The following CD160 variants were observed in gnomAD, a reference collection of about 807,000 sequenced individuals.
The protein encoded by CD160 is CD160 antigen.
In CD160, 11 loss-of-function variants were observed where a neutral mutation model predicts 19.2. That is an observed-to-expected ratio of 0.57 (90% CI 0.36 to 0.95). The LOEUF (loss-of-function observed/expected upper bound fraction) is 0.95. Ranked by LOEUF, CD160 falls within the 40% of genes least tolerant of loss-of-function variation. The probability of loss-of-function intolerance (pLI) is 0.01; values close to 1 mark genes in which losing one functional copy is unlikely to be tolerated. For missense variants in CD160, 182 were observed against 213.2 expected (o/e 0.85, Z 0.91); for synonymous variants, 75 against 81.1 (o/e 0.93, Z 0.40).
chr1:145,725,904 G>C (rs943307284), intron 2 of CD160, among the ~76,000 whole-genome samples: 1 of 151,908 alleles, frequency 6.6e-6, no homozygotes, highest in African/African-American at 2.4e-5. Context: ...TTGCATAACT[G>C]GAAAATCCAA....
chr1:145,720,376 G>A (rs1159317601), intron 1 of CD160, among the ~76,000 whole-genome samples: 1 of 152,152 alleles, frequency 6.6e-6, no homozygotes, highest in Non-Finnish European at 1.5e-5. Context: ...CACCAAAGAG[G>A]TCCATGGCGC....
In CD160 at chr1:145,736,175, T is replaced by C. The variant is rs1553710140; in HGVS notation, c.538+41T>C. ...CCGTAAGCACCCCAAGCAATGAGGG[T>C]GCTATTATATTTCTGCCACCTTGGT... On this transcript the variant is annotated intron_variant, in intron 5 of 5. Transcript: ENST00000369288. 5 of 1,613,592 alleles carry C rather than the reference T, an allele frequency of 3.1e-6. No homozygotes were observed. The South Asian group carries it at 5.5e-5, about 18-fold the overall frequency.
chr1:145,735,889 A>G, intron 4 of CD160, 108 bp from the exon 5 acceptor site: 1 of 779,202 alleles, frequency 1.3e-6, no homozygotes, highest in Admixed American at 2.4e-5. Flanking sequence ...CGAATTACAG[A>G]GGGAGGAATC....
At chr1:145,725,400 G>A (rs587685224) in intron 2 of CD160, among the ~76,000 whole-genome samples, 3 of 152,136 alleles carry the variant, frequency 2.0e-5, no homozygotes, top group Admixed American at 6.5e-5. Flanking sequence ...AGCCAAGATC[G>A]TGCCACTGCA....
chr1:145,734,524 C>T (rs782219616), intron 4 of CD160, among the ~76,000 whole-genome samples: 3 of 152,302 alleles, frequency 2.0e-5, no homozygotes, highest in African/African-American at 7.2e-5. Context: ...AGTTAAACTG[C>T]ACTAGTGGAT....
At chr1:145,728,501 CTTT>C (rs59357123) in intron 3 of CD160, 101 bp downstream of exon 3, 31,031 of 290,934 alleles carry the variant, frequency 0.11, 6 homozygotes, top group South Asian at 0.16. Flanking sequence ...ACAAAGGACT[CTTT>C]TTTTTTTTTT....
chr1:145,726,670 T>C (rs1385722172), intron 2 of CD160, among the ~76,000 whole-genome samples: 2 of 152,030 alleles, frequency 1.3e-5, no homozygotes, highest in Non-Finnish European at 2.9e-5. Context: ...ACATGAAACA[T>C]GTACAACTAT....
At chr1:145,728,481 T>G in intron 3 of CD160, 81 bp downstream of exon 3, 3 of 810,742 alleles carry the variant, frequency 3.7e-6, no homozygotes, top group Non-Finnish European at 6.2e-6. Flanking sequence ...TGATTTTCTC[T>G]AGTGGGGAAA....
intron 4 of CD160, among the ~76,000 whole-genome samples, chr1:145,735,106 C>CA (rs1436052156): frequency 1.3e-5 from 2 of 151,426 alleles, no homozygotes; most frequent in Admixed American, 1.3e-4. Context: ...GACTCTGTCT[C>CA]AAAAAAAGAA....
intron 5 of CD160, chr1:145,736,382 G>A (rs587627209): frequency 1.9e-6 from 2 of 1,044,684 alleles, no homozygotes; most frequent in African/African-American, 3.2e-5. Flanking sequence ...ATGAAGGCCT[G>A]TGAGAGAGGC....
At chr1:145,727,383 T>G (rs1243898331) in intron 2 of CD160, among the ~76,000 whole-genome samples, 1 of 152,132 alleles carries the variant, frequency 6.6e-6, no homozygotes, top group African/African-American at 2.4e-5. Flanking sequence ...TTTGTTTTTC[T>G]TCAGTTTGTT....
At chr1:145,734,884 A>C (rs1293656418) in intron 4 of CD160, among the ~76,000 whole-genome samples, 1 of 152,166 alleles carries the variant, frequency 6.6e-6, no homozygotes, top group Non-Finnish European at 1.5e-5. Flanking sequence ...AGGCTGGCAG[A>C]TCATTTGAGA....
At position 145,728,387 on chromosome 1, in the gene CD160, C is replaced by T. The variant is rs1211960242; in HGVS notation, c.60C>T (p.Asp20=). Residue 20 remains aspartate, a synonymous_variant, in exon 3 of 6, where the codon GAC becomes GAT. Coordinates refer to ENST00000369288, the MANE Select transcript of CD160 (RefSeq NM_007053.4). ...CALAILLAIV[D]IQSGGCINIT... ...TGGCCATCCTGCTGGCAATTGTGGA[C>T]ATCCAGTCTGGTGGTGAGGATAGAC... The T allele has an allele frequency of 6.2e-7, 1 of 1,611,424 alleles. No homozygotes were observed. Among genetic ancestry groups the T allele is most frequent in the East Asian group, 2.2e-5 (1 of 44,874 alleles).
intron 4 of CD160, among the ~76,000 whole-genome samples, chr1:145,731,657 CG>C (rs1322441718): frequency 6.6e-6 from 1 of 151,870 alleles, no homozygotes; most frequent in Non-Finnish European, 1.5e-5. Context: ...GCAACTAGAG[CG>C]AAACTGTGTC....
At chr1:145,738,327 A>T in intron 5 of CD160, 159 bp from the exon 6 acceptor site, 1 of 427,740 alleles carries the variant, frequency 2.3e-6, no homozygotes, top group African/African-American at 2.0e-5. Flanking sequence ...TAGTAATAAG[A>T]TGCAATACAT....
chr1:145,733,405 G>C (rs1232980786), intron 4 of CD160, among the ~76,000 whole-genome samples: 1 of 152,118 alleles, frequency 6.6e-6, no homozygotes, highest in African/African-American at 2.4e-5. Flanking sequence ...TAGCCAAAGT[G>C]CTGGGATTAC....
intron 5 of CD160, chr1:145,736,656 A>G (rs1657508635): frequency 6.2e-6 from 1 of 161,000 alleles, no homozygotes; most frequent in Admixed American, 5.9e-5. Context: ...ATAATTTGTC[A>G]TAACGTTTTT....
At chr1:145,721,305 CG>C (rs1656837710) in intron 1 of CD160, among the ~76,000 whole-genome samples, 1 of 152,176 alleles carries the variant, frequency 6.6e-6, no homozygotes, top group African/African-American at 2.4e-5. Context: ...GGGGGTCACT[CG>C]GCTTTGGCTG....
At chr1:145,728,472 G>A in intron 3 of CD160, 72 bp downstream of exon 3, 8 of 811,836 alleles carry the variant, frequency 9.9e-6, no homozygotes, top group Non-Finnish European at 1.7e-5. Flanking sequence ...TGGATCCCGT[G>A]ATTTTCTCTA....
Sources: allele counts gnomAD v4.1 joint callset (sites outside exome capture counted in the v4.1 genomes callset), GRCh38; gene constraint gnomAD v4.1.1; transcripts MANE v1.5; gene names NCBI Gene and HGNC (gene_info 2026-07-23, HGNC 2026-07-21).